The following ARSB variants were observed in gnomAD, a reference collection of about 807,000 sequenced individuals.
ARSB encodes N-acetylgalactosamine-4-sulfatase.
A neutral mutation model predicts 50.9 loss-of-function variants in ARSB; 41 were observed. The observed-to-expected ratio is 0.81, with a 90% CI of 0.63 to 1.04. The LOEUF is 1.04. ARSB is among the 50% of genes least tolerant of loss of function. The pLI, the probability that ARSB is intolerant of heterozygous loss-of-function variation, is 0.00. For synonymous variants in ARSB, 269 were observed against 284.8 expected, an observed-to-expected ratio of 0.94 and a Z score of 0.56; for missense variants, 672 against 693.3, an observed-to-expected ratio of 0.97 and a Z score of 0.35.
intron 1 of ARSB, among the ~76,000 whole-genome samples, chr5:78,981,454 A>G (rs1752898569): frequency 1.3e-5 from 2 of 152,276 alleles, no homozygotes; most frequent in Non-Finnish European, 1.5e-5. Flanking sequence ...CAGAACAAGT[A>G]GTACACGCAA....
chr5:78,862,202 A>T (rs1035473138), intron 5 of ARSB, among the ~76,000 whole-genome samples: 1 of 152,228 alleles, frequency 6.6e-6, no homozygotes, highest in African/African-American at 2.4e-5. Context: ...GAGGTAATTT[A>T]TACATTCAGT....
chr5:78,877,399 T>C (rs1409281790), intron 5 of ARSB, among the ~76,000 whole-genome samples: 2 of 152,182 alleles, frequency 1.3e-5, no homozygotes, highest in Non-Finnish European at 2.9e-5. Flanking sequence ...TATTTATTTA[T>C]TTATTTTGAG....
At chr5:78,791,791 G>C (rs1749241894) in intron 6 of ARSB, among the ~76,000 whole-genome samples, 1 of 152,196 alleles carries the variant, frequency 6.6e-6, no homozygotes. Flanking sequence ...AAAATACACT[G>C]ACTAGAAGCC....
At chr5:78,864,377 G>C (rs1746603522) in intron 5 of ARSB, among the ~76,000 whole-genome samples, 1 of 152,152 alleles carries the variant, frequency 6.6e-6, no homozygotes, top group African/African-American at 2.4e-5. Flanking sequence ...TGCAAAAGGA[G>C]AAACCCCTGA....
At chr5:78,916,833 T>G (rs996475240) in intron 4 of ARSB, among the ~76,000 whole-genome samples, 5 of 148,458 alleles carry the variant, frequency 3.4e-5, no homozygotes, top group Non-Finnish European at 6.0e-5. Context: ...CACACACACA[T>G]GTATTTCAAT....
chr5:78,804,105 A>T (rs1008300413), intron 6 of ARSB, among the ~76,000 whole-genome samples: 1 of 152,204 alleles, frequency 6.6e-6, no homozygotes, highest in Non-Finnish European at 1.5e-5. Context: ...AGGAGCTCAC[A>T]TAAGACACAG....
chr5:78,829,984 C>A (rs1744599114), intron 6 of ARSB, among the ~76,000 whole-genome samples: 1 of 152,142 alleles, frequency 6.6e-6, no homozygotes, highest in Admixed American at 6.5e-5. Context: ...AAATCTTTAC[C>A]AGACCTGGGG....
chr5:78,802,302 A>G (rs949964855), intron 6 of ARSB, among the ~76,000 whole-genome samples: 2 of 150,622 alleles, frequency 1.3e-5, no homozygotes, highest in Admixed American at 1.3e-4. Context: ...CATTTAATAT[A>G]TTTAATATTA....
chr5:78,808,029 C>T (rs1158459272), intron 6 of ARSB, among the ~76,000 whole-genome samples: 2 of 126,566 alleles, frequency 1.6e-5, no homozygotes, highest in African/African-American at 6.2e-5. Flanking sequence ...GGAGGCGGAG[C>T]TTGCAGTGAG....
intron 4 of ARSB, among the ~76,000 whole-genome samples, chr5:78,905,852 G>T (rs1749036542): frequency 7.2e-6 from 1 of 138,340 alleles, no homozygotes; most frequent in African/African-American, 2.7e-5. Flanking sequence ...TTAGGTTGTA[G>T]TTCCCCATTC....
chr5:78,816,619 A>G (rs1361569512), intron 6 of ARSB, among the ~76,000 whole-genome samples: 2 of 152,232 alleles, frequency 1.3e-5, no homozygotes, highest in South Asian at 2.1e-4. Flanking sequence ...ACCTAATCAC[A>G]TGAGCCTTTT....
intron 5 of ARSB, among the ~76,000 whole-genome samples, chr5:78,849,109 CT>C (rs1745612618): frequency 1.3e-5 from 2 of 152,118 alleles, no homozygotes; most frequent in South Asian, 4.1e-4. Flanking sequence ...GTTGCCATTG[CT>C]TTTGGTGTTT....
chr5:78,913,963 ATT>A (rs200423948), intron 4 of ARSB, among the ~76,000 whole-genome samples: 16 of 138,134 alleles, frequency 1.2e-4, no homozygotes, highest in Non-Finnish European at 1.1e-4. Flanking sequence ...CAATACCATG[ATT>A]TTTTTTTTTT....
At chr5:78,908,731 C>CAT (rs562766930) in intron 4 of ARSB, among the ~76,000 whole-genome samples, 4 of 140,412 alleles carry the variant, frequency 2.8e-5, no homozygotes, top group African/African-American at 7.9e-5. Context: ...CTGGCCAAGA[C>CAT]TTTTTTTTTT....
Position 78,818,598 on chromosome 5 carries a change from C to CTTTTT in ARSB, c.1213+20753_1213+20757dup, listed in dbSNP as rs775162579. Among the ~76,000 whole-genome samples, 56 of 74,184 alleles carry CTTTTT rather than the reference C, an allele frequency of 7.5e-4. 4 individuals carry two copies. Among genetic ancestry groups the CTTTTT allele is most frequent in the African/African-American group, 2.8e-3 (51 of 18,238 alleles). The allele number at this position is 74,184 out of a possible 152,430, so 48.7% of individuals were successfully genotyped here. A position where few individuals can be genotyped will look rare whatever the true frequency, so the allele number is the denominator to read the frequency against. ...TGGAAAGAACCCATAAAATAAAGCTCTTTTTTTTTTTTTTTTTTTTTTTTT... is the reference window on the plus strand; with the variant it reads ...TGGAAAGAACCCATAAAATAAAGCTCTTTTTTTTTTTTTTTTTTTTTTTTTTTTTT... On this transcript the variant is annotated intron_variant, in intron 6 of 7. Coordinates refer to ENST00000264914, the MANE Select transcript of ARSB (RefSeq NM_000046.5).
At chr5:78,985,389 G>A (rs1258491506), upstream of ARSB, 8 of 841,562 alleles carry the variant, frequency 9.5e-6, no homozygotes, top group Non-Finnish European at 1.2e-5. Context: ...GCGAGGCCGG[G>A]CGCTCGGCCC....
At chr5:78,939,643 G>A (rs1376000083) in intron 4 of ARSB, among the ~76,000 whole-genome samples, 1 of 152,124 alleles carries the variant, frequency 6.6e-6, no homozygotes, top group African/African-American at 2.4e-5. Context: ...AGTATTCCAT[G>A]GTGTGTATGT....
Position 78,969,171 on chromosome 5 carries a change from G to C in ARSB, c.334C>G (p.Gln112Glu). The change falls in exon 2 of 8, where the codon CAA becomes GAA. Residue 112 changes from glutamine to glutamate, a missense_variant. Transcript: ENST00000264914. ...CTGGGCTGACAGGGCCAGATTATTT[G>C]GTGCTGTAAACCTGTACGGATCTTA... is the stretch of plus-strand genomic sequence containing the variant. ...RYQIRTGLQH[Q>E]IIWPCQPSCV... is the part of the protein sequence containing the mutation. 1 of 1,614,120 alleles carries C rather than the reference G, an allele frequency of 6.2e-7. No homozygotes were observed. The highest frequency in any genetic ancestry group is 8.5e-7 in the Non-Finnish European group (1 of 1,180,024).
intron 5 of ARSB, 193 bp downstream of exon 5, chr5:78,885,391 G>A (rs908546919): frequency 2.5e-6 from 2 of 794,746 alleles, no homozygotes; most frequent in Non-Finnish European, 3.7e-6. Flanking sequence ...TAAAACACAG[G>A]CCCACAATCT....
Sources: gnomAD v4.1 joint callset for allele counts (sites outside exome capture counted in the v4.1 genomes callset) on GRCh38, gnomAD v4.1.1 for gene constraint, MANE v1.5 for transcripts, NCBI Gene and HGNC (gene_info 2026-07-23, HGNC 2026-07-21) for gene names.